Variants in PTBP2 observed in about 807,000 individuals in gnomAD.
The protein encoded by PTBP2 is polypyrimidine tract-binding protein 2.
In PTBP2, 13 loss-of-function variants were observed where a neutral mutation model predicts 61.4. That is an observed-to-expected ratio of 0.21 (90% confidence interval 0.14 to 0.34). The LOEUF is 0.34. PTBP2 is among the 10% of genes least tolerant of loss of function. PTBP2 has a pLI of 1.00. For synonymous variants in PTBP2, 215 were observed against 218.5 expected (o/e 0.98, Z 0.14); for missense variants, 405 against 642.6 (o/e 0.63, Z 4.00).
chr1:96,815,914 G>T (rs751004555), downstream of PTBP2: 5 of 152,110 alleles, frequency 3.3e-5, no homozygotes, highest in Admixed American at 1.3e-4. Context: ...CCAATACCAG[G>T]GTTAGTGAAT....
chr1:96,778,184 T>TA (rs1434030421), intron 7 of PTBP2, among the ~76,000 whole-genome samples: 1 of 149,378 alleles, frequency 6.7e-6, no homozygotes, highest in Non-Finnish European at 1.5e-5. Flanking sequence ...TTTTTTTTTT[T>TA]AATTTAAGGA....
chr1:96,727,310 A>C (rs546987679), intron 2 of PTBP2, among the ~76,000 whole-genome samples: 1 of 152,044 alleles, frequency 6.6e-6, no homozygotes, highest in Non-Finnish European at 1.5e-5. Context: ...CTTGAGGGAC[A>C]TTTGTATTGT....
At chr1:96,749,789 T>C in intron 2 of PTBP2, 1 of 370,886 alleles carries the variant, frequency 2.7e-6, no homozygotes, top group Non-Finnish European at 5.7e-6. Context: ...GCACTTTGCC[T>C]GGTAATCACT....
At chr1:96,779,003 G>A (rs757030482) in intron 7 of PTBP2, among the ~76,000 whole-genome samples, 3 of 151,980 alleles carry the variant, frequency 2.0e-5, no homozygotes, top group South Asian at 2.1e-4. Context: ...TTTCCCCTGC[G>A]TTACAAGAGG....
At chr1:96,751,342 AT>A in intron 2 of PTBP2, 82 bp from the exon 3 acceptor site, 1 of 1,081,260 alleles carries the variant, frequency 9.2e-7, no homozygotes, top group African/African-American at 1.6e-5. Context: ...ATAGTGTAAC[AT>A]TTGACATTTA....
chr1:96,770,372 T>G (rs1319299464), intron 4 of PTBP2, among the ~76,000 whole-genome samples: 1 of 152,068 alleles, frequency 6.6e-6, no homozygotes, highest in Non-Finnish European at 1.5e-5. Context: ...TTAAAATGAC[T>G]TGGAAATCTT....
At chr1:96,798,235 G>T (rs1274151275) in intron 8 of PTBP2, among the ~76,000 whole-genome samples, 2 of 151,866 alleles carry the variant, frequency 1.3e-5, no homozygotes, top group East Asian at 3.9e-4. Context: ...GTGAAACACT[G>T]TCTCTACTAA....
chr1:96,795,364 G>A (rs1660270300), intron 8 of PTBP2, among the ~76,000 whole-genome samples: 1 of 152,192 alleles, frequency 6.6e-6, no homozygotes, highest in Admixed American at 6.5e-5. Context: ...GCATCTTACT[G>A]ATGTGATTGA....
At chr1:96,750,451 G>A (rs1654394317) in intron 2 of PTBP2, among the ~76,000 whole-genome samples, 1 of 151,508 alleles carries the variant, frequency 6.6e-6, no homozygotes, top group South Asian at 2.1e-4. Flanking sequence ...AAATATTTAA[G>A]GGAGACAACC....
At chr1:96,797,173 C>T (rs1660477997) in intron 8 of PTBP2, among the ~76,000 whole-genome samples, 1 of 150,858 alleles carries the variant, frequency 6.6e-6, no homozygotes, top group Admixed American at 6.6e-5. Context: ...AAGCCATCCT[C>T]ATTGATGGTG....
intron 4 of PTBP2, 128 bp downstream of exon 4, chr1:96,770,003 G>A (rs1056389185): frequency 8.9e-6 from 6 of 675,350 alleles, no homozygotes; most frequent in African/African-American, 5.7e-5. Context: ...TCACTTTTTC[G>A]AGTAGATGTC....
At position 96,759,827 on chromosome 1, in the gene PTBP2, C is replaced by G. The variant is rs769288491; in HGVS notation, c.115+8327C>G. 1.3e-5 allele frequency among the ~76,000 whole-genome samples: 2 copies of G among 152,062 alleles called. 1 individual carries two copies. The highest frequency in any genetic ancestry group is 4.1e-4 in the South Asian group (2 of 4,824). On this transcript the variant is annotated intron_variant, in intron 3 of 13. Coordinates refer to ENST00000674951, the MANE Select transcript of PTBP2 (RefSeq NM_021190.4). The stretch of plus-strand genomic sequence containing the variant: ...TTCATGCTGCTGATAAAGACGTACC[C>G]GAGACTGGGCGGGCAATTTATGAAA...
chr1:96,763,730 C>T lies in PTBP2; in HGVS notation c.116-5973C>T, dbSNP rs1007955112. ...TTTTTGTAATGATGGCATAAAATTCCTTTAAGCCTTGTTTTAATACAAGAA... is the reference window on the plus strand; with the variant it reads ...TTTTTGTAATGATGGCATAAAATTCTTTTAAGCCTTGTTTTAATACAAGAA... On this transcript the variant is annotated intron_variant, in intron 3 of 13. Coordinates refer to ENST00000674951, the MANE Select transcript of PTBP2 (RefSeq NM_021190.4). 1.4e-4 allele frequency among the ~76,000 whole-genome samples: 21 copies of T among 151,964 alleles called. 1 individual carries two copies. The highest frequency in any genetic ancestry group is 2.6e-4 in the Non-Finnish European group (18 of 68,006).
chr1:96,803,603 A>C (rs985497068), intron 8 of PTBP2, among the ~76,000 whole-genome samples: 4 of 152,094 alleles, frequency 2.6e-5, no homozygotes, highest in African/African-American at 9.7e-5. Flanking sequence ...GTTTGTGAAT[A>C]TTAAAGAGCG....
At chr1:96,764,156 C>G (rs1656383024) in intron 3 of PTBP2, among the ~76,000 whole-genome samples, 2 of 152,070 alleles carry the variant, frequency 1.3e-5, no homozygotes, top group South Asian at 4.1e-4. Flanking sequence ...TTTCTCTGTA[C>G]TTGTTGAATA....
At chr1:96,739,390 T>C (rs1191458569) in intron 2 of PTBP2, among the ~76,000 whole-genome samples, 2 of 152,084 alleles carry the variant, frequency 1.3e-5, no homozygotes, top group African/African-American at 4.8e-5. Context: ...TACTTAATAA[T>C]ATTACATTGC....
intron 3 of PTBP2, among the ~76,000 whole-genome samples, chr1:96,765,841 G>T (rs1044314756): frequency 1.3e-5 from 2 of 152,130 alleles, no homozygotes; most frequent in Non-Finnish European, 2.9e-5. Context: ...TAACAATTTT[G>T]GGGAATGAAT....
intron 3 of PTBP2, among the ~76,000 whole-genome samples, chr1:96,767,587 G>GTC (rs1656877412): frequency 6.6e-6 from 1 of 152,130 alleles, no homozygotes; most frequent in East Asian, 1.9e-4. Context: ...TCAAAAAAAG[G>GTC]TCTTAGTCCT....
intron 3 of PTBP2, among the ~76,000 whole-genome samples, chr1:96,754,075 C>T (rs1654884175): frequency 6.6e-6 from 1 of 151,846 alleles, no homozygotes. Context: ...CTCATGTAGG[C>T]TAAATAAAAA....
Sources: allele counts gnomAD v4.1 joint callset (sites outside exome capture counted in the v4.1 genomes callset), GRCh38; gene constraint gnomAD v4.1.1; transcripts MANE v1.5; gene names NCBI Gene and HGNC (gene_info 2026-07-23, HGNC 2026-07-21).